MRTFB: variants seen among roughly 807,000 people sequenced by gnomAD.
MRTFB encodes myocardin-related transcription factor B.
A neutral mutation model predicts 104.2 loss-of-function variants in MRTFB; 29 were observed. The ratio of observed to expected loss-of-function variants is 0.28; its 90% confidence interval spans 0.21 to 0.38. The LOEUF is 0.38. Ranked by LOEUF, MRTFB falls within the 10% of genes least tolerant of loss-of-function variation. The pLI, the probability that MRTFB is intolerant of heterozygous loss-of-function variation, is 1.00. For synonymous variants in MRTFB, 535 were observed against 519.5 expected, an observed-to-expected ratio of 1.03 and a Z score of -0.41; for missense variants, 1,270 against 1,341.6, an observed-to-expected ratio of 0.95 and a Z score of 0.83.
rs578004522 is a variant in MRTFB, at chr16:14,141,044, G to A, written c.154+284G>A. 1.3e-4 allele frequency: 42 copies of A among 325,664 alleles called. No individual in the cohort carries two copies. The South Asian group carries it at 1.4e-3, about 11-fold the overall frequency. The allele number at this position is 325,664 out of a possible 1,614,324, so 20.2% of individuals were successfully genotyped here. A position where few individuals can be genotyped will look rare whatever the true frequency, so the allele number is the denominator to read the frequency against. ...AAGCAGATGATTTCATGCTGGAATGGCATTGGAAAGTAGGTTCCTGTGCTG... is the reference window on the plus strand; with the variant it reads ...AAGCAGATGATTTCATGCTGGAATGACATTGGAAAGTAGGTTCCTGTGCTG... On this transcript the variant is annotated intron_variant, in intron 3 of 16. Transcript: ENST00000571589.
chr16:14,098,373 T>A (rs1404431318), intron 2 of MRTFB, among the ~76,000 whole-genome samples: 1 of 152,192 alleles, frequency 6.6e-6, no homozygotes, highest in Non-Finnish European at 1.5e-5. Flanking sequence ...TGCCAATAGT[T>A]GGTAAAGTAT....
intron 2 of MRTFB, among the ~76,000 whole-genome samples, chr16:14,103,410 G>A (rs921093839): frequency 3.3e-4 from 50 of 152,270 alleles, no homozygotes; most frequent in African/African-American, 1.1e-3. Flanking sequence ...GGGGGATATG[G>A]GGGAGGGTGT....
At chr16:14,097,766 G>T (rs2035471012) in intron 2 of MRTFB, among the ~76,000 whole-genome samples, 1 of 152,158 alleles carries the variant, frequency 6.6e-6, no homozygotes, top group Non-Finnish European at 1.5e-5. Context: ...GGCAACCACT[G>T]ATCTGCTTTC....
At chr16:14,237,285 G>GA (rs372511061) in intron 9 of MRTFB, among the ~76,000 whole-genome samples, 2 of 152,326 alleles carry the variant, frequency 1.3e-5, no homozygotes, top group East Asian at 3.9e-4. Context: ...TTAGAGAGGA[G>GA]AACCAGCAAA....
intron 2 of MRTFB, among the ~76,000 whole-genome samples, chr16:14,134,398 T>C (rs1036069886): frequency 5.3e-5 from 8 of 152,272 alleles, no homozygotes; most frequent in Admixed American, 2.6e-4. Flanking sequence ...TTATATGTAG[T>C]GCATCTACTA....
intron 8 of MRTFB, among the ~76,000 whole-genome samples, chr16:14,233,356 T>G (rs1274061136): frequency 2.0e-5 from 3 of 152,150 alleles, no homozygotes; most frequent in Non-Finnish European, 2.9e-5. Context: ...GTAAAGCACA[T>G]TTATGGACAC....
intron 2 of MRTFB, among the ~76,000 whole-genome samples, chr16:14,138,123 A>G (rs2037814519): frequency 6.6e-6 from 1 of 152,162 alleles, no homozygotes; most frequent in Non-Finnish European, 1.5e-5. Context: ...ATGGGAAAGT[A>G]AAGACACTGA....
intron 3 of MRTFB, among the ~76,000 whole-genome samples, chr16:14,160,621 G>A (rs1253776836): frequency 6.6e-6 from 1 of 151,972 alleles, no homozygotes; most frequent in African/African-American, 2.4e-5. Context: ...TAATTATAAA[G>A]GTACTTGCAG....
chr16:14,132,578 A>G (rs1267649689), intron 2 of MRTFB, among the ~76,000 whole-genome samples: 1 of 152,222 alleles, frequency 6.6e-6, no homozygotes, highest in East Asian at 1.9e-4. Flanking sequence ...CTGTTGTCTC[A>G]AGAGTACAAT....
chr16:14,033,425 C>T, the MRTFB span, among the ~76,000 whole-genome samples: 7 of 151,908 alleles, frequency 4.6e-5, no homozygotes, highest in East Asian at 1.9e-4. Flanking sequence ...CACATGCCTG[C>T]GGTCTCAGCT....
chr16:14,016,042 C>T, the MRTFB span: 3 of 398,432 alleles, frequency 7.5e-6, no homozygotes, highest in East Asian at 1.1e-4. Context: ...TATTTCTTGT[C>T]AGTACCCCAG....
At chr16:14,086,975 A>C (rs1412002463) in intron 2 of MRTFB, among the ~76,000 whole-genome samples, 1 of 152,186 alleles carries the variant, frequency 6.6e-6, no homozygotes, top group Non-Finnish European at 1.5e-5. Context: ...TGGCAGGGGA[A>C]GTAGTCGTTT....
intron 2 of MRTFB, among the ~76,000 whole-genome samples, chr16:14,133,591 G>A (rs972725851): frequency 1.3e-5 from 2 of 150,918 alleles, no homozygotes. Context: ...CCTTTCTTTC[G>A]TTCATCTCTT....
At chr16:14,101,007 T>TTTTG (rs1249527217) in intron 2 of MRTFB, among the ~76,000 whole-genome samples, 1 of 152,154 alleles carries the variant, frequency 6.6e-6, no homozygotes, top group Non-Finnish European at 1.5e-5. Flanking sequence ...AAGAACCAGC[T>TTTTG]TTTGGTTTAT....
At chr16:14,221,709 A>G (rs903347957) in intron 8 of MRTFB, among the ~76,000 whole-genome samples, 1 of 151,274 alleles carries the variant, frequency 6.6e-6, no homozygotes, top group Non-Finnish European at 1.5e-5. Context: ...GGTAAATTTC[A>G]TTGCTGTTGA....
At chr16:14,089,806 A>G (rs2034942754) in intron 2 of MRTFB, among the ~76,000 whole-genome samples, 1 of 152,102 alleles carries the variant, frequency 6.6e-6, no homozygotes, top group Admixed American at 6.5e-5. Context: ...CTTTTCCATG[A>G]TTGTGTTTTT....
chr16:14,000,739 C>T, the MRTFB span, among the ~76,000 whole-genome samples: 1 of 152,204 alleles, frequency 6.6e-6, no homozygotes, highest in East Asian at 1.9e-4. Context: ...AACCACACCT[C>T]TCTGTCCCCT....
At chr16:14,237,688 T>C (rs2042581363) in intron 9 of MRTFB, among the ~76,000 whole-genome samples, 1 of 150,872 alleles carries the variant, frequency 6.6e-6, no homozygotes, top group Non-Finnish European at 1.5e-5. Flanking sequence ...AGAAACCAGT[T>C]GAGTAGGGAA....
intron 2 of MRTFB, among the ~76,000 whole-genome samples, chr16:14,084,697 A>G (rs2034598352): frequency 6.6e-6 from 1 of 152,352 alleles, no homozygotes; most frequent in African/African-American, 2.4e-5. Context: ...GTGCATTCAT[A>G]TGTAAACCTA....
Sources: gnomAD v4.1 joint callset for allele counts (sites outside exome capture counted in the v4.1 genomes callset) on GRCh38, gnomAD v4.1.1 for gene constraint, MANE v1.5 for transcripts, NCBI Gene and HGNC (gene_info 2026-07-23, HGNC 2026-07-21) for gene names.